Variants in MAGI3 observed in about 807,000 individuals in gnomAD.
MAGI3 encodes membrane associated guanylate kinase, WW and PDZ domain containing 3.
A neutral mutation model predicts 121.8 loss-of-function variants in MAGI3; 43 were observed. That is an observed-to-expected ratio of 0.35 (90% confidence interval 0.28 to 0.46). The LOEUF (loss-of-function observed/expected upper bound fraction) is 0.46, where lower values mean the gene tolerates loss of function less well. MAGI3 is among the 20% of genes least tolerant of loss of function. The pLI, the probability that MAGI3 is intolerant of heterozygous loss-of-function variation, is 1.00. For synonymous variants in MAGI3, 553 were observed against 639.3 expected (o/e 0.86, Z 2.04); for missense variants, 1,547 against 1,797.3 (o/e 0.86, Z 2.52).
At position 113,683,389 on chromosome 1, in the gene MAGI3, C is replaced by G. The variant is rs1382706627; in HGVS notation, c.3821C>G (p.Ser1274Cys). The G allele has an allele frequency of 6.2e-7, 1 of 1,613,946 alleles. No homozygotes were observed. Among genetic ancestry groups the G allele is most frequent in the African/African-American group, 1.3e-5 (1 of 75,018 alleles). The change falls in exon 21 of 21, where the codon TCT (serine) becomes TGT (cysteine). Residue 1274 changes from serine to cysteine, a missense_variant. Physicochemically the swap from Ser to Cys is moderately radical, Grantham distance 112. Coordinates refer to ENST00000307546, the MANE Select transcript of MAGI3 (RefSeq NM_001142782.2). The part of the protein sequence containing the change: ...KSCQVSTRAG[S>C]GQDQCRKSRG... ...TGTCAGGTCAGCACCAGGGCAGGCT[C>G]TGGACAAGATCAGTGCAGAAAAAGC... is the stretch of plus-strand genomic sequence containing the variant.
At chr1:113,639,631 G>A (rs147275523) in intron 9 of MAGI3, among the ~76,000 whole-genome samples, 53 of 151,880 alleles carry the variant, frequency 3.5e-4, no homozygotes, top group East Asian at 3.1e-3. Context: ...GCAGTGCTGC[G>A]ACCTCGGCTT....
In MAGI3 at chr1:113,585,411, C is replaced by T. The variant is rs1648302815; in HGVS notation, c.578C>T (p.Pro193Leu). The change falls in exon 4 of 21, where the codon CCT (proline) becomes CTT (leucine). Residue 193 changes from proline to leucine, a missense_variant. Physicochemically the swap from Pro to Leu is moderately conservative, Grantham distance 98. Transcript: ENST00000307546. ...GGAAACTTCTATGGAACTCCCAAGC[C>T]TCCAGCAGAACCCAGCCCTTTTCAG... The part of the protein sequence containing the change: ...YDGNFYGTPK[P>L]PAEPSPFQPD... The T allele has an allele frequency of 2.5e-6, 4 of 1,613,918 alleles. No homozygotes were observed. The highest frequency in any genetic ancestry group is 3.4e-6 in the Non-Finnish European group (4 of 1,179,956).
At chr1:113,558,418 A>AT (rs1348031908) in intron 2 of MAGI3, among the ~76,000 whole-genome samples, 1 of 152,232 alleles carries the variant, frequency 6.6e-6, no homozygotes, top group Non-Finnish European at 1.5e-5. Flanking sequence ...TGCAATCACA[A>AT]GTATTCATAG....
At chr1:113,427,825 G>T (rs188611222) in intron 1 of MAGI3, among the ~76,000 whole-genome samples, 1 of 151,854 alleles carries the variant, frequency 6.6e-6, no homozygotes, top group East Asian at 1.9e-4. Flanking sequence ...TTTTTTTGAG[G>T]ATAACTCAAC....
At chr1:113,433,985 A>C (rs577607842) in intron 1 of MAGI3, among the ~76,000 whole-genome samples, 32 of 152,202 alleles carry the variant, frequency 2.1e-4, no homozygotes, top group Admixed American at 1.0e-3. Context: ...AGTTGTGGCC[A>C]CTTTAAAGTC....
At chr1:113,599,147 A>G (rs1649208648) in intron 6 of MAGI3, among the ~76,000 whole-genome samples, 1 of 152,162 alleles carries the variant, frequency 6.6e-6, no homozygotes, top group Admixed American at 6.5e-5. Flanking sequence ...TCCTAACATC[A>G]CAATTGAAAG....
chr1:113,436,261 A>G (rs1195951755), intron 1 of MAGI3, among the ~76,000 whole-genome samples: 1 of 152,112 alleles, frequency 6.6e-6, no homozygotes, highest in Non-Finnish European at 1.5e-5. Flanking sequence ...TTTGTAAGAA[A>G]TAATTTTCCA....
chr1:113,636,481 A>T (rs1189183815), intron 9 of MAGI3, among the ~76,000 whole-genome samples: 1 of 152,124 alleles, frequency 6.6e-6, no homozygotes, highest in Non-Finnish European at 1.5e-5. Flanking sequence ...TCATTTCGTT[A>T]TGTACCCAGT....
intron 1 of MAGI3, among the ~76,000 whole-genome samples, chr1:113,484,773 G>A (rs1322876610): frequency 1.5e-5 from 2 of 132,604 alleles, no homozygotes; most frequent in Admixed American, 1.5e-4. Flanking sequence ...TCACCAGGCT[G>A]GAGTGCAGCA....
chr1:113,525,467 T>C (rs75449697), intron 1 of MAGI3, among the ~76,000 whole-genome samples: 3,543 of 152,082 alleles, frequency 0.023, 136 homozygotes, highest in African/African-American at 0.081. Context: ...GATTGAAAGA[T>C]AACAGACTTT....
At position 113,651,062 on chromosome 1, in the gene MAGI3, C is replaced by T. The variant is rs776665703; in HGVS notation, c.2296C>T (p.Arg766Trp). The T allele has an allele frequency of 5.6e-6, 9 of 1,614,090 alleles. No individual in the cohort carries two copies. The highest frequency in any genetic ancestry group is 2.2e-5 in the East Asian group (1 of 44,886). Residue 766 changes from arginine (R) to tryptophan (W), a missense_variant, in exon 14 of 21, where the codon CGG (arginine) becomes TGG (tryptophan). Coordinates refer to ENST00000307546, the MANE Select transcript of MAGI3 (RefSeq NM_001142782.2). ...IPLGAAEKDGRLRAADELMCI... is the reference protein window; with the variant it reads ...IPLGAAEKDGWLRAADELMCI... The stretch of plus-strand genomic sequence containing the variant: ...CCTGGGAGCAGCTGAGAAAGATGGT[C>T]GGCTCCGCGCAGCTGATGAACTAAT...
intron 1 of MAGI3, among the ~76,000 whole-genome samples, chr1:113,483,801 C>A (rs1656224579): frequency 1.3e-5 from 2 of 152,086 alleles, no homozygotes; most frequent in South Asian, 4.2e-4. Flanking sequence ...GGAAGAGTTG[C>A]AAGAATAGAA....
chr1:113,515,054 T>C (rs1657818033), intron 1 of MAGI3, among the ~76,000 whole-genome samples: 1 of 152,092 alleles, frequency 6.6e-6, no homozygotes, highest in Non-Finnish European at 1.5e-5. Context: ...GCTTTTTGAA[T>C]AGATGTTGAT....
At chr1:113,538,208 T>G (rs1032914401) in intron 1 of MAGI3, among the ~76,000 whole-genome samples, 2 of 152,228 alleles carry the variant, frequency 1.3e-5, no homozygotes, top group African/African-American at 4.8e-5. Flanking sequence ...TGGGTCAATA[T>G]TCCCTTTCAG....
chr1:113,668,731 C>T (rs1485544983), intron 16 of MAGI3, among the ~76,000 whole-genome samples: 3 of 150,874 alleles, frequency 2.0e-5, no homozygotes, highest in African/African-American at 4.9e-5. Flanking sequence ...TACAGGCGCC[C>T]GCCACCGCGC....
At chr1:113,411,753 C>T (rs2101336394) in intron 1 of MAGI3, among the ~76,000 whole-genome samples, 1 of 149,640 alleles carries the variant, frequency 6.7e-6, no homozygotes, top group East Asian at 2.0e-4. Context: ...AACTTGGAGA[C>T]CAGTATAGCA....
chr1:113,410,945 T>C (rs1004719190), intron 1 of MAGI3, among the ~76,000 whole-genome samples: 1 of 152,068 alleles, frequency 6.6e-6, no homozygotes, highest in Non-Finnish European at 1.5e-5. Context: ...AAAAGTACTA[T>C]ATGTAAAAAA....
At chr1:113,516,390 CAAAAAAAAAAA>C (rs60186333) in intron 1 of MAGI3, among the ~76,000 whole-genome samples, 5 of 71,004 alleles carry the variant, frequency 7.0e-5, no homozygotes, top group Admixed American at 5.6e-4. Context: ...GAAGTTCTCA[CAAAAAAAAAAA>C]AAAAAAAAAA....
At chr1:113,655,938 C>T (rs549055298) in intron 15 of MAGI3, among the ~76,000 whole-genome samples, 15 of 152,238 alleles carry the variant, frequency 9.9e-5, no homozygotes, top group African/African-American at 3.6e-4. Context: ...TTGTCACCGT[C>T]TCTTAACTTT....
Sources: allele counts gnomAD v4.1 joint callset (sites outside exome capture counted in the v4.1 genomes callset), GRCh38; gene constraint gnomAD v4.1.1; transcripts MANE v1.5; gene names NCBI Gene and HGNC (gene_info 2026-07-23, HGNC 2026-07-21).